Variants in HARS1 observed in about 807,000 individuals in gnomAD.
HARS1 encodes histidine--tRNA ligase, cytoplasmic.
HARS1 carries 45 observed loss-of-function variants against 63.6 expected under a neutral mutation model. The ratio of observed to expected loss-of-function variants is 0.71; its 90% confidence interval spans 0.56 to 0.91. HARS1 has a LOEUF of 0.91. Ranked by LOEUF, HARS1 falls within the 40% of genes least tolerant of loss-of-function variation. The pLI is 0.00. For missense variants in HARS1, 508 were observed against 643.2 expected (o/e 0.79, Z 2.27); for synonymous variants, 205 against 247.1 (o/e 0.83, Z 1.60).
chr5:140,679,718 C>T lies in HARS1; in HGVS notation c.396+70G>A. 1 of 756,356 alleles carries T rather than the reference C, an allele frequency of 1.3e-6. No individual in the cohort carries two copies. The highest frequency in any genetic ancestry group is 2.3e-5 in the Admixed American group (1 of 43,786). The allele number at this position is 756,356 out of a possible 1,614,324, so 46.9% of individuals were successfully genotyped here. On this transcript the variant is annotated intron_variant, in intron 4 of 12. Coordinates refer to ENST00000504156, the MANE Select transcript of HARS1 (RefSeq NM_002109.6). The surrounding 1 kb of genome is among the most constrained non-coding windows in gnomAD (Gnocchi z 4.3). ...TCATATTTGATCCTACCTACTCTAC[C>T]ATTCTTAAACCTGAGCCAAGTGAGT...
At chr5:140,680,015 T>C in intron 3 of HARS1, 132 bp from the exon 4 acceptor site, 1 of 492,310 alleles carries the variant, frequency 2.0e-6, no homozygotes, top group South Asian at 3.5e-5. Flanking sequence ...CTTAGGTGTC[T>C]GATGTAGTTA....
intron 3 of HARS1, among the ~76,000 whole-genome samples, chr5:140,680,637 A>C (rs912818702): frequency 5.3e-5 from 8 of 151,776 alleles, no homozygotes; most frequent in African/African-American, 1.9e-4. Flanking sequence ...TGAGGTCAGG[A>C]GTTCGTGACC....
chr5:140,683,513 A>G, intron 2 of HARS1: 1 of 1,138,512 alleles, frequency 8.8e-7, no homozygotes, highest in Non-Finnish European at 1.1e-6. Flanking sequence ...CTCAGATAAC[A>G]GAACATTTCC....
rs764120910 is a variant in HARS1 at position 140,679,974 on chromosome 5, T to C, written c.301-91A>G. The C allele has an allele frequency of 1.0e-5, 7 of 678,852 alleles. No homozygotes were observed. Among genetic ancestry groups the C allele is most frequent in the African/African-American group, 5.5e-5 (3 of 54,898 alleles). The allele number at this position is 678,852 out of a possible 1,614,324, so 42.1% of individuals were successfully genotyped here. A position where few individuals can be genotyped will look rare whatever the true frequency, so the allele number is the denominator to read the frequency against. Reference sequence around the variant, plus strand: ...AACAAACATGACTGATTCCAACTTGTCTACATTTCCCTCTGCTCTTTATCC... The same window carrying C: ...AACAAACATGACTGATTCCAACTTGCCTACATTTCCCTCTGCTCTTTATCC... On this transcript the variant is annotated intron_variant, in intron 3 of 12. Coordinates refer to ENST00000504156, the MANE Select transcript of HARS1 (RefSeq NM_002109.6). The surrounding 1 kb of genome is among the most constrained non-coding windows in gnomAD (Gnocchi z 4.3).
chr5:140,690,390 T>C (rs1037257509), intron 2 of HARS1, among the ~76,000 whole-genome samples: 20 of 152,104 alleles, frequency 1.3e-4, no homozygotes, highest in African/African-American at 3.9e-4. Context: ...AGGCAGCGGC[T>C]GCAGTGAGCC....
rs1442275986 is a variant in HARS1 at position 140,679,756 on chromosome 5, A to G, written c.396+32T>C. 1 of 1,196,044 alleles carries G rather than the reference A, an allele frequency of 8.4e-7. No individual in the cohort carries two copies. The highest frequency in any genetic ancestry group is 1.2e-6 in the Non-Finnish European group (1 of 807,584). The allele number at this position is 1,196,044 out of a possible 1,614,324, so 74.1% of individuals were successfully genotyped here. ...GAGCCAAGTGAGTGCCAATCCATCC[A>G]AAGTCTCAAGAGCCCAAGTTTAGAA... is the stretch of plus-strand genomic sequence containing the variant. On this transcript the variant is annotated intron_variant, in intron 4 of 12. Transcript: ENST00000504156. This position sits in a 1 kb window ranked among gnomAD's most constrained non-coding sequence, Gnocchi z 4.3.
rs1297275127 is a variant in HARS1, at chr5:140,679,513, T to C, written c.396+275A>G. The C allele has an allele frequency of 4.6e-6, 2 of 436,722 alleles. No homozygotes were observed. Among genetic ancestry groups the C allele is most frequent in the Non-Finnish European group, 8.1e-6 (2 of 247,942 alleles). 27.1% of individuals were successfully genotyped at this position (436,722 alleles called of 1,614,324 possible). ...GTCCATTAAGAAGAATTTTGTTCAC[T>C]GGACAGGGCAGGGGAGAGGTATTCT... On this transcript the variant is annotated intron_variant, in intron 4 of 12. Coordinates refer to ENST00000504156, the MANE Select transcript of HARS1 (RefSeq NM_002109.6). This position sits in a 1 kb window ranked among gnomAD's most constrained non-coding sequence, Gnocchi z 4.3.
Position 140,686,301 on chromosome 5 carries a change from G to A in HARS1, c.181-3082C>T, listed in dbSNP as rs191385862. Among the ~76,000 whole-genome samples the A allele has an allele frequency of 4.5e-4, 69 of 151,830 alleles. No individual in the cohort carries two copies. The East Asian group carries it at 0.012, about 26-fold the overall frequency. On this transcript the variant is annotated intron_variant, in intron 2 of 12. Coordinates refer to ENST00000504156, the MANE Select transcript of HARS1 (RefSeq NM_002109.6). ...GTCACCCAGGCTGGAGTACAGTGGC[G>A]TGTTCTCGGCTCACTGCAACCTCCA...
chr5:140,675,358 A>G, intron 10 of HARS1: 1 of 429,088 alleles, frequency 2.3e-6, no homozygotes, highest in Non-Finnish European at 4.2e-6. Context: ...TTAGGGCAAG[A>G]GTAAAGGTAG....
chr5:140,674,892 G>A (rs541214306), intron 11 of HARS1, 67 bp from the exon 12 acceptor site: 2 of 1,569,758 alleles, frequency 1.3e-6, no homozygotes, highest in South Asian at 2.2e-5. Context: ...GGGTGTCCAA[G>A]CTGGCACCCT....
In HARS1 at chr5:140,678,641, G is replaced by A. The variant is rs181819577; in HGVS notation, c.522+361C>T. The A allele has an allele frequency of 4.9e-3, 843 of 170,986 alleles. 6 individuals are homozygous for A. The highest frequency in any genetic ancestry group is 0.018 in the African/African-American group (759 of 41,820). 10.6% of individuals were successfully genotyped at this position (170,986 alleles called of 1,614,324 possible). On this transcript the variant is annotated intron_variant, in intron 5 of 12. Coordinates refer to ENST00000504156, the MANE Select transcript of HARS1 (RefSeq NM_002109.6). ...AGGCGGATCATGAGACCAGGAGTTCGAGACCAGCCTGGCCAACATGGTAAA... is the reference window on the plus strand; with the variant it reads ...AGGCGGATCATGAGACCAGGAGTTCAAGACCAGCCTGGCCAACATGGTAAA...
At chr5:140,678,934 C>G in intron 5 of HARS1, 68 bp downstream of exon 5, 1 of 1,541,028 alleles carries the variant, frequency 6.5e-7, no homozygotes, top group Admixed American at 1.7e-5. Context: ...CGTGAGTACT[C>G]AATAGATTCT....
At chr5:140,675,926 T>C (rs997866619) in intron 10 of HARS1, 24 of 152,312 alleles carry the variant, frequency 1.6e-4, no homozygotes, top group Admixed American at 7.8e-4. Context: ...AGAAAAGGCA[T>C]AGGACTGTGG....
At chr5:140,677,212 T>C (rs1380877143) in intron 8 of HARS1, 96 bp from the exon 9 acceptor site, 2 of 1,410,898 alleles carry the variant, frequency 1.4e-6, no homozygotes, top group African/African-American at 1.4e-5. Flanking sequence ...CATGCATGTG[T>C]GTGTACATAT....
intron 8 of HARS1, 83 bp downstream of exon 8, chr5:140,677,244 T>C: frequency 7.3e-7 from 1 of 1,371,816 alleles, no homozygotes; most frequent in East Asian, 2.3e-5. Context: ...CTCACTCCCC[T>C]ACATACATAA....
At position 140,674,960 on chromosome 5, in the gene HARS1, T is replaced by C. The variant is rs530046545; in HGVS notation, c.1311+57A>G. On this transcript the variant is annotated intron_variant, in intron 11 of 12. Transcript: ENST00000504156. ...GGATCCATTATGGGTGAGCTTTTAT[T>C]CAGTTTGTGTCCAGCACACCTAAGT... 153 of 1,474,990 alleles carry C rather than the reference T, an allele frequency of 1.0e-4. 1 individual carries two copies. In the African/African-American group the frequency reaches 2.0e-3, roughly 19 times the overall value. The allele number at this position is 1,474,990 out of a possible 1,614,324, so 91.4% of individuals were successfully genotyped here.
chr5:140,687,428 C>T lies in HARS1; in HGVS notation c.180+3427G>A, dbSNP rs551216984. The T allele has an allele frequency of 2.0e-5, 3 of 152,120 alleles. No homozygotes were observed. The South Asian group carries it at 6.2e-4, about 32-fold the overall frequency. 9.4% of individuals were successfully genotyped at this position (152,120 alleles called of 1,614,324 possible). On this transcript the variant is annotated intron_variant, in intron 2 of 12. Coordinates refer to ENST00000504156, the MANE Select transcript of HARS1 (RefSeq NM_002109.6). ...GCATGTGGTGGTACCCGCCTGTAAT[C>T]CCAGATACTCAGGAGGCTGAGGCAC...
chr5:140,679,621 G>C lies in HARS1; in HGVS notation c.396+167C>G. The C allele has an allele frequency of 1.9e-6, 1 of 534,076 alleles. No individual in the cohort carries two copies. Among genetic ancestry groups the C allele is most frequent in the Non-Finnish European group, 3.3e-6 (1 of 299,090 alleles). The allele number at this position is 534,076 out of a possible 1,614,324, so 33.1% of individuals were successfully genotyped here. On this transcript the variant is annotated intron_variant, in intron 4 of 12. Coordinates refer to ENST00000504156, the MANE Select transcript of HARS1 (RefSeq NM_002109.6). This position sits in a 1 kb window ranked among gnomAD's most constrained non-coding sequence, Gnocchi z 4.3. ...ACTCAGGATTCAGAAGATTTCTAAG[G>C]ATGTGTATGCTCTGTTTAGCCAAAG...
At chr5:140,681,497 G>T (rs1347569847) in intron 3 of HARS1, among the ~76,000 whole-genome samples, 6 of 152,074 alleles carry the variant, frequency 3.9e-5, no homozygotes. Context: ...GTGAAACCTC[G>T]TCTCTACTAA....
Sources: gnomAD v4.1 joint callset for allele counts (sites outside exome capture counted in the v4.1 genomes callset) on GRCh38, gnomAD v4.1.1 for gene constraint, Gnocchi (gnomAD v3.1) non-coding constraint, MANE v1.5 for transcripts, NCBI Gene and HGNC (gene_info 2026-07-23, HGNC 2026-07-21) for gene names.